The following MAGI3 variants were observed in gnomAD, a reference collection of about 807,000 sequenced individuals.
The protein encoded by MAGI3 is membrane associated guanylate kinase, WW and PDZ domain containing 3, also known as membrane-associated guanylate kinase, WW and PDZ domain-containing protein 3.
Under a neutral mutation model 121.8 loss-of-function variants are expected in MAGI3, and 43 were observed. The ratio of observed to expected loss-of-function variants is 0.35; its 90% confidence interval spans 0.28 to 0.46. The LOEUF is 0.46. Among genes scored for constraint, MAGI3 ranks in the 20% least tolerant of loss-of-function variants. The pLI is 1.00. For missense variants in MAGI3, 1,547 were observed against 1,797.3 expected (o/e 0.86, Z 2.52); for synonymous variants, 553 against 639.3 (o/e 0.86, Z 2.04).
intron 1 of MAGI3, among the ~76,000 whole-genome samples, chr1:113,416,639 G>T (rs1652467134): frequency 6.7e-6 from 1 of 149,852 alleles, no homozygotes; most frequent in African/African-American, 2.5e-5. Flanking sequence ...GAGATATCAG[G>T]TATCAAAGTT....
At chr1:113,479,264 C>T (rs1276053647) in intron 1 of MAGI3, among the ~76,000 whole-genome samples, 2 of 152,166 alleles carry the variant, frequency 1.3e-5, no homozygotes, top group African/African-American at 2.4e-5. Flanking sequence ...CCCATTGTTC[C>T]ACCAGTCCCA....
chr1:113,391,375 C>T lies in MAGI3; in HGVS notation c.316+26C>T. 2 of 1,568,738 alleles carry T rather than the reference C, an allele frequency of 1.3e-6. No individual in the cohort carries two copies. The highest frequency in any genetic ancestry group is 1.7e-6 in the Non-Finnish European group (2 of 1,157,998). The stretch of plus-strand genomic sequence containing the variant: ...GTACGCCGGCCCTGCGTATCTGTCT[C>T]GGGGTGTTGGGGAGAGGGGCTTCAG... On this transcript the variant is annotated intron_variant, in intron 1 of 20. Coordinates refer to ENST00000307546, the MANE Select transcript of MAGI3 (RefSeq NM_001142782.2). This position sits in a 1 kb window ranked among gnomAD's most constrained non-coding sequence, Gnocchi z 4.4.
Position 113,616,400 on chromosome 1 carries a change from G to A in MAGI3, c.1076+1742G>A, listed in dbSNP as rs149294847. Among the ~76,000 whole-genome samples the A allele has an allele frequency of 1.9e-3, 288 of 152,274 alleles. 1 individual carries two copies. The highest frequency in any genetic ancestry group is 6.8e-3 in the Middle Eastern group (2 of 294). On this transcript the variant is annotated intron_variant, in intron 7 of 20. Coordinates refer to ENST00000307546, the MANE Select transcript of MAGI3 (RefSeq NM_001142782.2). ...CCAGATTAGTTAGGTTTTGAATCTCGACCATAGTAATCTGCAGTGAGTTTA... is the reference window on the plus strand; with the variant it reads ...CCAGATTAGTTAGGTTTTGAATCTCAACCATAGTAATCTGCAGTGAGTTTA...
At chr1:113,547,390 C>A (rs1482109572) in intron 1 of MAGI3, among the ~76,000 whole-genome samples, 1 of 151,918 alleles carries the variant, frequency 6.6e-6, no homozygotes, top group Admixed American at 6.6e-5. Context: ...CAAATTAAGT[C>A]TTTTTCTGAA....
At chr1:113,490,442 A>G (rs959627122) in intron 1 of MAGI3, among the ~76,000 whole-genome samples, 3 of 152,348 alleles carry the variant, frequency 2.0e-5, no homozygotes, top group East Asian at 1.9e-4. Context: ...ACTGAAGTAC[A>G]CAGACCAGTG....
At chr1:113,393,823 A>C (rs1169174765) in intron 1 of MAGI3, among the ~76,000 whole-genome samples, 1 of 152,234 alleles carries the variant, frequency 6.6e-6, no homozygotes, top group African/African-American at 2.4e-5. Flanking sequence ...ACTTTGTGAC[A>C]GAAATTGATT....
intron 1 of MAGI3, among the ~76,000 whole-genome samples, chr1:113,408,961 T>C (rs979225259): frequency 1.3e-5 from 2 of 152,080 alleles, no homozygotes; most frequent in African/African-American, 4.8e-5. Flanking sequence ...TTATAGCTAT[T>C]TAGTGCAGTA....
intron 9 of MAGI3, among the ~76,000 whole-genome samples, chr1:113,640,705 A>G (rs1023484041): frequency 6.6e-6 from 1 of 151,568 alleles, no homozygotes; most frequent in African/African-American, 2.4e-5. Flanking sequence ...GCCGTGAACA[A>G]CAAACACCAG....
At chr1:113,560,094 C>T (rs1310914223) in intron 2 of MAGI3, among the ~76,000 whole-genome samples, 1 of 152,122 alleles carries the variant, frequency 6.6e-6, no homozygotes, top group Non-Finnish European at 1.5e-5. Context: ...CACTGCATGG[C>T]ACTTAGTCTA....
At chr1:113,607,283 C>T (rs1649832539) in intron 6 of MAGI3, among the ~76,000 whole-genome samples, 1 of 152,114 alleles carries the variant, frequency 6.6e-6, no homozygotes, top group Non-Finnish European at 1.5e-5. Flanking sequence ...TTCCGTATGT[C>T]GGATTATCAC....
intron 1 of MAGI3, among the ~76,000 whole-genome samples, chr1:113,545,115 G>T (rs1570834387): frequency 1.3e-5 from 2 of 150,640 alleles, no homozygotes. Flanking sequence ...GAGAATATGG[G>T]GTAAATACTT....
intron 6 of MAGI3, among the ~76,000 whole-genome samples, chr1:113,600,378 A>C (rs1299645364): frequency 6.6e-6 from 1 of 151,944 alleles, no homozygotes; most frequent in Non-Finnish European, 1.5e-5. Context: ...GCAAAGTCTC[A>C]GGATACAAAA....
chr1:113,449,932 T>A, intron 1 of MAGI3: 1 of 1,520,536 alleles, frequency 6.6e-7, no homozygotes, highest in African/African-American at 1.4e-5. Context: ...CCACACAAGG[T>A]TGATGGGCGT....
At chr1:113,428,247 C>T (rs1384521191) in intron 1 of MAGI3, among the ~76,000 whole-genome samples, 1 of 152,190 alleles carries the variant, frequency 6.6e-6, no homozygotes, top group Non-Finnish European at 1.5e-5. Flanking sequence ...TTGTTTTCTT[C>T]TAACAGCTTT....
chr1:113,612,066 C>T (rs978529595), intron 6 of MAGI3, among the ~76,000 whole-genome samples: 2 of 152,046 alleles, frequency 1.3e-5, no homozygotes, highest in African/African-American at 4.8e-5. Flanking sequence ...GCCTCAGCCT[C>T]CTGAGTAGCT....
At chr1:113,622,752 C>T in intron 8 of MAGI3, 54 bp from the exon 9 acceptor site, 1 of 1,353,936 alleles carries the variant, frequency 7.4e-7, no homozygotes, top group African/African-American at 1.5e-5. Context: ...ACTCTGAGTG[C>T]TATATTCATT....
At chr1:113,649,535 C>A (rs1653040576) in intron 13 of MAGI3, among the ~76,000 whole-genome samples, 3 of 152,280 alleles carry the variant, frequency 2.0e-5, no homozygotes, top group Middle Eastern at 6.8e-3. Flanking sequence ...AATATGTCAG[C>A]TGCAAATTAG....
Position 113,549,591 on chromosome 1 carries a change from G to C in MAGI3, c.393G>C (p.Gln131His). 6.2e-7 allele frequency: 1 copy of C among 1,608,110 alleles called. No homozygotes were observed. The highest frequency in any genetic ancestry group is 8.5e-7 in the Non-Finnish European group (1 of 1,176,584). ...AAGGATCAATTGACCACAAACTGCA[G>C]CAAGTGATCAGAGATAATCTCTACT... Reference protein sequence around the residue: ...FQKGSIDHKLQQVIRDNLYLR... With the variant: ...FQKGSIDHKLHQVIRDNLYLR... The change falls in exon 2 of 21, where the codon CAG (glutamine) becomes CAC (histidine). Residue 131 changes from glutamine to histidine, a missense_variant. Coordinates refer to ENST00000307546, the MANE Select transcript of MAGI3 (RefSeq NM_001142782.2).
chr1:113,601,407 C>T (rs896459454), intron 6 of MAGI3, among the ~76,000 whole-genome samples: 2 of 151,130 alleles, frequency 1.3e-5, no homozygotes, highest in African/African-American at 4.9e-5. Context: ...AAAAAGTGGG[C>T]AAAGGACATG....
Sources: gnomAD v4.1 joint callset for allele counts (sites outside exome capture counted in the v4.1 genomes callset) on GRCh38, gnomAD v4.1.1 for gene constraint, Gnocchi (gnomAD v3.1) non-coding constraint, MANE v1.5 for transcripts, NCBI Gene and HGNC (gene_info 2026-07-23, HGNC 2026-07-21) for gene names.